SEC24C: variants seen among roughly 807,000 people sequenced by gnomAD.
The protein encoded by SEC24C is protein transport protein Sec24C.
In SEC24C, 22 loss-of-function variants were observed where a neutral mutation model predicts 117.0. The ratio of observed to expected loss-of-function variants is 0.19; its 90% CI spans 0.13 to 0.27. The LOEUF is 0.27. Among genes scored for constraint, SEC24C ranks in the 10% least tolerant of loss-of-function variants. The pLI is 1.00. For missense variants in SEC24C, 1,155 were observed against 1,375.1 expected (o/e 0.84, Z 2.53); for synonymous variants, 506 against 529.4 (o/e 0.96, Z 0.61).
At chr10:73,760,947 T>C (rs535521016) in intron 6 of SEC24C, 98 bp downstream of exon 6, 537 of 1,338,076 alleles carry the variant, frequency 4.0e-4, no homozygotes, top group Non-Finnish European at 5.1e-4. Context: ...TCTGATAATT[T>C]TCCCTTTTTG....
chr10:73,766,298 TGTG>T, intron 11 of SEC24C, 49 bp from the exon 12 acceptor site: 1 of 1,582,326 alleles, frequency 6.3e-7, no homozygotes, highest in Admixed American at 1.7e-5. Context: ...GTCATGAAGT[TGTG>T]GGTGGTGGAA....
Position 73,770,319 on chromosome 10 carries a change from G to T in SEC24C, c.2902G>T (p.Val968Phe). 6.2e-7 allele frequency: 1 copy of T among 1,613,636 alleles called. No homozygotes were observed. The highest frequency in any genetic ancestry group is 8.5e-7 in the Non-Finnish European group (1 of 1,179,764). ...TGAGAGTACTACCGAACCACCAGCA[G>T]TTCGAGCCTCTGAAGAGCGTCTAAG... is the stretch of plus-strand genomic sequence containing the variant. ...PVESTTEPPA[V>F]RASEERLSNG... The change falls in exon 21 of 23, where the codon GTT (valine) becomes TTT (phenylalanine). Residue 968 changes from valine to phenylalanine, a missense_variant. Transcript: ENST00000345254.
Position 73,747,007 on chromosome 10 carries a change from A to G in SEC24C, c.172+3A>G, listed in dbSNP as rs775783259. The G allele has an allele frequency of 1.2e-6, 2 of 1,610,044 alleles. No homozygotes were observed. The highest frequency in any genetic ancestry group is 2.2e-5 in the South Asian group (2 of 90,182). On this transcript the variant is annotated splice_donor_region_variant and intron_variant, in intron 2 of 22. Transcript: ENST00000345254. ...CTATCAGCAAACACCTCCCCAAGGT[A>G]TGTTTCTGTTTCTGTTTCCTTTGAG... is the stretch of plus-strand genomic sequence containing the variant.
chr10:73,763,919 C>T lies in SEC24C; in HGVS notation c.1163C>T (p.Ala388Val). The change falls in exon 8 of 23, where the codon GCT (alanine) becomes GTT (valine). Residue 388 changes from alanine to valine, a missense_variant. Coordinates refer to ENST00000345254, the MANE Select transcript of SEC24C (RefSeq NM_198597.3). The part of the protein sequence containing the change: ...SYNIPCTSDM[A>V]KQAQVPLAAV... ...AATATCCCTTGCACATCTGACATGG[C>T]TAAGCAGGCTCAGGTGCCCCTGGCA... 6.2e-7 allele frequency: 1 copy of T among 1,612,936 alleles called. No homozygotes were observed. Among genetic ancestry groups the T allele is most frequent in the Non-Finnish European group, 8.5e-7 (1 of 1,179,480 alleles).
chr10:73,750,962 T>C, intron 2 of SEC24C, 146 bp from the exon 3 acceptor site: 2 of 769,216 alleles, frequency 2.6e-6, no homozygotes, highest in Non-Finnish European at 4.2e-6. Context: ...GCTACAGTTG[T>C]ATGCTGGTAG....
At position 73,746,791 on chromosome 10, in the gene SEC24C, C is replaced by T. The variant is rs1026645862; in HGVS notation, c.-28-14C>T. ...AGAAAGTTCATTTTGACTAATTTCT[C>T]CTCTCTCTCACAGGTGAGATCAAAT... On this transcript the variant is annotated splice_polypyrimidine_tract_variant and intron_variant, in intron 1 of 22. Transcript: ENST00000345254. The T allele has an allele frequency of 1.3e-6, 2 of 1,540,110 alleles. No homozygotes were observed. The highest frequency in any genetic ancestry group is 1.4e-5 in the African/African-American group (1 of 72,916).
chr10:73,770,805 C>G lies in SEC24C; in HGVS notation c.3144+7C>G. 1 of 1,613,932 alleles carries G rather than the reference C, an allele frequency of 6.2e-7. No homozygotes were observed. Among genetic ancestry groups the G allele is most frequent in the Non-Finnish European group, 8.5e-7 (1 of 1,179,806 alleles). Reference sequence around the variant, plus strand: ...GAGATCCCGGTACATGAAGGTAACACTGATCTGAACCCTGGATTTCTTACC... The same window carrying G: ...GAGATCCCGGTACATGAAGGTAACAGTGATCTGAACCCTGGATTTCTTACC... On this transcript the variant is annotated splice_region_variant and intron_variant, in intron 22 of 22. Coordinates refer to ENST00000345254, the MANE Select transcript of SEC24C (RefSeq NM_198597.3).
At chr10:73,759,236 G>C (rs2132547759) in intron 3 of SEC24C, among the ~76,000 whole-genome samples, 1 of 152,048 alleles carries the variant, frequency 6.6e-6, no homozygotes, top group South Asian at 2.1e-4. Flanking sequence ...GCATTTGTTT[G>C]ATTTCATATT....
In SEC24C at chr10:73,763,455, T is replaced by C. The variant is rs532322409; in HGVS notation, c.988-35T>C. ...ACTCTGGGACCTCACACTTCCTTTT[T>C]CTTCTGTCACCTCATTCATTGCACT... On this transcript the variant is annotated intron_variant, in intron 6 of 22. Transcript: ENST00000345254. 3.0e-5 allele frequency: 42 copies of C among 1,419,938 alleles called. No homozygotes were observed. In the South Asian group the frequency reaches 4.5e-4, roughly 15 times the overall value. The allele number at this position is 1,419,938 out of a possible 1,614,324, so 88.0% of individuals were successfully genotyped here. A position where few individuals can be genotyped will look rare whatever the true frequency, so the allele number is the denominator to read the frequency against.
chr10:73,754,126 G>T (rs2132533556), intron 3 of SEC24C, among the ~76,000 whole-genome samples: 1 of 152,156 alleles, frequency 6.6e-6, no homozygotes, highest in East Asian at 1.9e-4. Context: ...TAAAGTACAT[G>T]GGAGGAGGCT....
chr10:73,756,001 G>A (rs1226844968), intron 3 of SEC24C, among the ~76,000 whole-genome samples: 1 of 151,918 alleles, frequency 6.6e-6, no homozygotes, highest in Non-Finnish European at 1.5e-5. Flanking sequence ...ACAGATGTGG[G>A]CCACCATGCC....
chr10:73,757,331 C>T (rs532523113), intron 3 of SEC24C, among the ~76,000 whole-genome samples: 2 of 147,942 alleles, frequency 1.4e-5, no homozygotes, highest in South Asian at 4.3e-4. Context: ...TTAGACCAGC[C>T]TGGGCAACAT....
chr10:73,769,900 T>A lies in SEC24C; in HGVS notation c.2747T>A (p.Val916Asp). The change falls in exon 20 of 23, where the codon GTC becomes GAC. Residue 916 changes from valine to aspartate, a missense_variant. Coordinates refer to ENST00000345254, the MANE Select transcript of SEC24C (RefSeq NM_198597.3). The surrounding 1 kb of genome is among the most constrained non-coding windows in gnomAD (Gnocchi z 4.5). The part of the protein sequence containing the change: ...VYLNCVLKSD[V>D]LQPGAEVTTD... ...CTGAACTGTGTGTTGAAGAGTGATG[T>A]CCTGCAGCCTGGAGCTGAAGTCACT... 1 of 1,614,192 alleles carries A rather than the reference T, an allele frequency of 6.2e-7. No individual in the cohort carries two copies. Among genetic ancestry groups the A allele is most frequent in the Non-Finnish European group, 8.5e-7 (1 of 1,180,030 alleles).
In SEC24C at chr10:73,756,013, G is replaced by A. The variant is rs182408762; in HGVS notation, c.309-3609G>A. On this transcript the variant is annotated intron_variant, in intron 3 of 22. Coordinates refer to ENST00000345254, the MANE Select transcript of SEC24C (RefSeq NM_198597.3). ...ACTACAGATGTGGGCCACCATGCCCGGCTAATTTTTGTATTTTTAGTAGAG... is the reference window on the plus strand; with the variant it reads ...ACTACAGATGTGGGCCACCATGCCCAGCTAATTTTTGTATTTTTAGTAGAG... Among the ~76,000 whole-genome samples the A allele has an allele frequency of 4.6e-5, 7 of 152,078 alleles. No individual in the cohort carries two copies. In the East Asian group the frequency reaches 9.8e-4, roughly 21 times the overall value.
intron 1 of SEC24C, among the ~76,000 whole-genome samples, chr10:73,745,290 T>C (rs2082529540): frequency 6.6e-6 from 1 of 151,938 alleles, no homozygotes. Context: ...ATGAGCAAGA[T>C]TGTAATAATT....
rs2082766408 is a variant in SEC24C, at chr10:73,759,746, A to G, written c.433A>G (p.Ile145Val). 1 of 1,609,186 alleles carries G rather than the reference A, an allele frequency of 6.2e-7. No homozygotes were observed. The highest frequency in any genetic ancestry group is 8.5e-7 in the Non-Finnish European group (1 of 1,178,792). The change falls in exon 4 of 23, where the codon ATC (isoleucine) becomes GTC (valine). Residue 145 changes from isoleucine to valine, a missense_variant. Ile to Val is a conservative substitution (Grantham distance 29). This residue lies in a region of SEC24C where 396 missense variants were observed against 382.8 expected (regional missense o/e 1.03). Coordinates refer to ENST00000345254, the MANE Select transcript of SEC24C (RefSeq NM_198597.3). ...GGCTACGCAGCTGTCTGGAATGCAG[A>G]TCAGCGGTGCTGTGGCCCCAGCCCC... ...QVATQLSGMQISGAVAPAPPS... is the reference protein window; with the variant it reads ...QVATQLSGMQVSGAVAPAPPS...
chr10:73,753,066 T>C (rs1260621166), intron 3 of SEC24C, among the ~76,000 whole-genome samples: 2 of 152,138 alleles, frequency 1.3e-5, no homozygotes, highest in South Asian at 2.1e-4. Flanking sequence ...TTCTTTTTTT[T>C]TGAGACAGAG....
Position 73,768,833 on chromosome 10 carries a change from C to G in SEC24C, c.2205C>G (p.Phe735Leu), listed in dbSNP as rs747822096. ...SFQVENDQER[F>L]LSDLRRDVQK... Reference sequence around the variant, plus strand: ...AGGTGGAGAACGACCAGGAGCGGTTCCTGAGTGACCTGCGTCGTGATGTCC... The same window carrying G: ...AGGTGGAGAACGACCAGGAGCGGTTGCTGAGTGACCTGCGTCGTGATGTCC... The change falls in exon 16 of 23, where the codon TTC becomes TTG. Residue 735 changes from phenylalanine (F) to leucine (L), a missense_variant. Around this residue, in one of 2 missense-constraint regions of SEC24C, gnomAD observed 759 missense variants for 992.3 expected, o/e 0.76. Coordinates refer to ENST00000345254, the MANE Select transcript of SEC24C (RefSeq NM_198597.3). 6.2e-7 allele frequency: 1 copy of G among 1,613,564 alleles called. No homozygotes were observed. The highest frequency in any genetic ancestry group is 1.3e-5 in the African/African-American group (1 of 74,880).
chr10:73,770,539 ATAGT>A (rs2082962019), intron 21 of SEC24C, 68 bp downstream of exon 21: 4 of 1,561,550 alleles, frequency 2.6e-6, no homozygotes, highest in African/African-American at 1.5e-5. Context: ...GGGAGCCAAT[ATAGT>A]TAGTGTGCTA....
Sources: allele counts gnomAD v4.1 joint callset (sites outside exome capture counted in the v4.1 genomes callset), GRCh38; gene constraint gnomAD v4.1.1; regional missense constraint gnomAD v4.1.1; non-coding constraint Gnocchi (gnomAD v3.1); transcripts MANE v1.5; gene names NCBI Gene and HGNC (gene_info 2026-07-23, HGNC 2026-07-21).